KTN1: variants seen among roughly 807,000 people sequenced by gnomAD.
The protein encoded by KTN1 is kinectin 1.
In KTN1, 130 loss-of-function variants were observed where a neutral mutation model predicts 222.5. That is an observed-to-expected ratio of 0.58 (90% confidence interval 0.51 to 0.68). The LOEUF is 0.68. KTN1 is among the 30% of genes least tolerant of loss of function. The pLI is 0.00. For missense variants in KTN1, 1,508 were observed against 1,500.4 expected, an observed-to-expected ratio of 1.01 and a Z score of -0.08; for synonymous variants, 512 against 496.3, an observed-to-expected ratio of 1.03 and a Z score of -0.42.
At chr14:55,649,734 A>G (rs190901617) in intron 21 of KTN1, 42 bp from the exon 22 acceptor site, 29 of 1,207,686 alleles carry the variant, frequency 2.4e-5, no homozygotes, top group African/African-American at 1.7e-4. Flanking sequence ...ACCCATTTCT[A>G]TTTTGAACAA....
intron 7 of KTN1, among the ~76,000 whole-genome samples, chr14:55,632,199 TC>T (rs1418158738): frequency 6.6e-6 from 1 of 152,180 alleles, no homozygotes; most frequent in Non-Finnish European, 1.5e-5. Context: ...AATTCCTAAT[TC>T]CTGTTAATTT....
intron 5 of KTN1, among the ~76,000 whole-genome samples, chr14:55,622,752 T>C (rs1359911804): frequency 6.6e-6 from 1 of 152,230 alleles, no homozygotes; most frequent in Non-Finnish European, 1.5e-5. Flanking sequence ...CCTCTAATTT[T>C]GTTTTTTTCC....
intron 1 of KTN1, among the ~76,000 whole-genome samples, chr14:55,602,359 A>G (rs997496219): frequency 6.6e-6 from 1 of 152,182 alleles, no homozygotes; most frequent in African/African-American, 2.4e-5. Flanking sequence ...GTAGAACCAT[A>G]TGGAGGCTCA....
chr14:55,645,377 C>T (rs2042185517), intron 18 of KTN1, among the ~76,000 whole-genome samples: 2 of 152,138 alleles, frequency 1.3e-5, no homozygotes, highest in African/African-American at 4.8e-5. Flanking sequence ...GGACCATGAA[C>T]CTGATGCAGC....
intron 6 of KTN1, among the ~76,000 whole-genome samples, chr14:55,628,846 ATAAT>A (rs1203767928): frequency 6.6e-6 from 1 of 152,254 alleles, no homozygotes; most frequent in Non-Finnish European, 1.5e-5. Context: ...AACTAATTTG[ATAAT>A]TCATTGAGCC....
intron 6 of KTN1, among the ~76,000 whole-genome samples, 192 bp from the exon 7 acceptor site, chr14:55,629,765 G>T (rs1218459848): frequency 6.6e-6 from 1 of 152,168 alleles, no homozygotes; most frequent in Non-Finnish European, 1.5e-5. Flanking sequence ...AAGGGAATTG[G>T]CGTGAAGAGC....
chr14:55,633,603 T>C (rs997870597), intron 8 of KTN1, among the ~76,000 whole-genome samples: 4 of 151,654 alleles, frequency 2.6e-5, no homozygotes, highest in African/African-American at 7.3e-5. Flanking sequence ...TACATATTTA[T>C]ATAAACATGT....
intron 43 of KTN1, chr14:55,680,658 CT>C: frequency 7.5e-7 from 1 of 1,342,152 alleles, no homozygotes; most frequent in Non-Finnish European, 1.0e-6. Flanking sequence ...CCATTTTGAT[CT>C]TACAGGAGCG....
chr14:55,638,213 G>C (rs2041357336), intron 12 of KTN1, among the ~76,000 whole-genome samples: 1 of 151,802 alleles, frequency 6.6e-6, no homozygotes, highest in Admixed American at 6.6e-5. Context: ...TAATATATCA[G>C]CAGGGGGAAC....
At chr14:55,661,853 T>G (rs1299249347) in intron 32 of KTN1, 3 of 285,704 alleles carry the variant, frequency 1.1e-5, no homozygotes, top group Non-Finnish European at 1.9e-5. Context: ...CTATAATTAT[T>G]ATACCTTTAG....
At chr14:55,658,438 C>T in intron 29 of KTN1, 108 bp from the exon 30 acceptor site, 1 of 692,758 alleles carries the variant, frequency 1.4e-6, no homozygotes, top group Non-Finnish European at 2.6e-6. Context: ...AAAATTATTG[C>T]TATTTTGGAA....
At chr14:55,601,592 C>T (rs146148246) in intron 1 of KTN1, among the ~76,000 whole-genome samples, 2,881 of 152,034 alleles carry the variant, frequency 0.019, 55 homozygotes, top group Middle Eastern at 0.068. Context: ...GTCTATTTTT[C>T]TCATTGAATT....
chr14:55,604,812 T>G (rs1594790974), intron 1 of KTN1, among the ~76,000 whole-genome samples: 1 of 151,918 alleles, frequency 6.6e-6, no homozygotes, highest in South Asian at 2.1e-4. Flanking sequence ...AGGTGGAGAT[T>G]TCATACAAAG....
chr14:55,641,881 T>C lies in KTN1; in HGVS notation c.2172+121T>C, dbSNP rs144484283. On this transcript the variant is annotated intron_variant, in intron 18 of 43. Transcript: ENST00000395314. ...TGCTTAAGCTTAGATATGGCTGTTA[T>C]TGCCTTTCTATTCATCCTGTATCTA... 8.0e-4 allele frequency: 544 copies of C among 679,252 alleles called. 4 individuals carry two copies. The African/African-American group carries it at 8.6e-3, about 11-fold the overall frequency. The allele number at this position is 679,252 out of a possible 1,614,324, so 42.1% of individuals were successfully genotyped here.
chr14:55,580,455 C>A (rs1303589920), intron 1 of KTN1, 101 bp downstream of exon 1: 2 of 146,598 alleles, frequency 1.4e-5, no homozygotes, highest in Middle Eastern at 3.5e-3. Context: ...GAGGGCCGCG[C>A]CGGGCGGGGG....
intron 1 of KTN1, among the ~76,000 whole-genome samples, chr14:55,608,822 G>A (rs1234096396): frequency 6.6e-6 from 1 of 151,854 alleles, no homozygotes; most frequent in Non-Finnish European, 1.5e-5. Flanking sequence ...TAGAGACGGG[G>A]TTTCACCATG....
At chr14:55,672,557 C>A in intron 37 of KTN1, 73 bp from the exon 38 acceptor site, 1 of 869,342 alleles carries the variant, frequency 1.2e-6, no homozygotes, top group Non-Finnish European at 1.9e-6. Context: ...TTTAATTGAT[C>A]AGAATTCTAC....
intron 41 of KTN1, among the ~76,000 whole-genome samples, chr14:55,676,552 G>T (rs188760644): frequency 5.3e-5 from 8 of 152,230 alleles, no homozygotes; most frequent in Admixed American, 3.3e-4. Context: ...GCAAGAACAA[G>T]AGGTACGCAC....
At position 55,653,563 on chromosome 14, in the gene KTN1, C is replaced by T; in HGVS notation, c.2768C>T (p.Ser923Phe). Residue 923 changes from serine to phenylalanine, a missense_variant, in exon 28 of 44, where the codon TCT (serine) becomes TTT (phenylalanine). Transcript: ENST00000395314. ...EVAQHNLKEA[S>F]SASQFEELEI... ...AAATATGATTCTGTTTCTCAGGCCT[C>T]TTCTGCATCACAGTTTGAAGAACTT... 6.2e-7 allele frequency: 1 copy of T among 1,610,356 alleles called. No individual in the cohort carries two copies. Among genetic ancestry groups the T allele is most frequent in the South Asian group, 1.1e-5 (1 of 90,784 alleles).
Sources: allele counts gnomAD v4.1 joint callset (sites outside exome capture counted in the v4.1 genomes callset), GRCh38; gene constraint gnomAD v4.1.1; transcripts MANE v1.5; gene names NCBI Gene and HGNC (gene_info 2026-07-23, HGNC 2026-07-21).